RGS7: variants seen among roughly 807,000 people sequenced by gnomAD.
RGS7 encodes regulator of G-protein signaling 7.
RGS7 carries 27 observed loss-of-function variants against 81.1 expected under a neutral mutation model. The observed-to-expected ratio is 0.33, with a 90% CI of 0.25 to 0.46. The LOEUF (loss-of-function observed/expected upper bound fraction) is 0.46, where lower values mean the gene tolerates loss of function less well. Among genes scored for constraint, RGS7 ranks in the 20% least tolerant of loss-of-function variants. The probability of loss-of-function intolerance (pLI) is 1.00; values close to 1 mark genes in which losing one functional copy is unlikely to be tolerated. For missense variants in RGS7, 396 were observed against 607.4 expected, an observed-to-expected ratio of 0.65 and a Z score of 3.66; for synonymous variants, 208 against 207.7, an observed-to-expected ratio of 1.00 and a Z score of -0.01.
intron 3 of RGS7, among the ~76,000 whole-genome samples, chr1:241,060,350 A>T (rs2061680644): frequency 1.3e-5 from 2 of 152,354 alleles, no homozygotes; most frequent in South Asian, 2.1e-4. Flanking sequence ...TAGATTGGGC[A>T]TATCACTGTT....
chr1:241,336,280 T>C (rs2082242592), intron 2 of RGS7, among the ~76,000 whole-genome samples: 1 of 152,156 alleles, frequency 6.6e-6, no homozygotes, highest in Non-Finnish European at 1.5e-5. Flanking sequence ...CATTTAGCAC[T>C]AAGTCTTCCT....
chr1:241,274,122 T>C (rs1011751878), intron 2 of RGS7, among the ~76,000 whole-genome samples: 31 of 152,350 alleles, frequency 2.0e-4, no homozygotes, highest in Middle Eastern at 3.4e-3. Context: ...GATGTTACAA[T>C]GCTGTAGAGT....
At chr1:241,021,643 C>T (rs918630800) in intron 3 of RGS7, among the ~76,000 whole-genome samples, 3 of 152,044 alleles carry the variant, frequency 2.0e-5, no homozygotes, top group Admixed American at 6.6e-5. Context: ...CTCTGGGGGG[C>T]GGTCAAGGGG....
chr1:241,311,199 T>G (rs1041880694), intron 2 of RGS7, among the ~76,000 whole-genome samples: 1 of 152,214 alleles, frequency 6.6e-6, no homozygotes, highest in African/African-American at 2.4e-5. Flanking sequence ...CAATTTGTTT[T>G]TCTATAACAA....
intron 2 of RGS7, among the ~76,000 whole-genome samples, chr1:241,219,861 T>G (rs1478424581): frequency 6.6e-6 from 1 of 152,198 alleles, no homozygotes; most frequent in African/African-American, 2.4e-5. Context: ...TCATTCTTGG[T>G]TTAGCTGAAT....
chr1:241,294,972 T>C (rs2079314767), intron 2 of RGS7, among the ~76,000 whole-genome samples: 2 of 152,188 alleles, frequency 1.3e-5, no homozygotes, highest in South Asian at 4.1e-4. Flanking sequence ...GAACATACTC[T>C]GGTTTTCAGC....
intron 3 of RGS7, among the ~76,000 whole-genome samples, chr1:241,048,258 C>T (rs2061053130): frequency 6.6e-6 from 1 of 152,100 alleles, no homozygotes; most frequent in South Asian, 2.1e-4. Flanking sequence ...GGCTCAGCCT[C>T]CCCCTGGTGA....
chr1:241,049,216 C>T (rs1252043015), intron 3 of RGS7, among the ~76,000 whole-genome samples: 1 of 152,114 alleles, frequency 6.6e-6, no homozygotes, highest in Non-Finnish European at 1.5e-5. Context: ...GATTGAAAAC[C>T]TGGCAACATC....
chr1:240,863,345 T>C (rs113741258), intron 9 of RGS7, among the ~76,000 whole-genome samples: 1 of 152,084 alleles, frequency 6.6e-6, no homozygotes, highest in Non-Finnish European at 1.5e-5. Flanking sequence ...CGTGGTGGCA[T>C]GCGCCTGTAA....
At chr1:240,914,687 C>G (rs1228744112) in intron 6 of RGS7, among the ~76,000 whole-genome samples, 3 of 152,178 alleles carry the variant, frequency 2.0e-5, no homozygotes, top group African/African-American at 7.2e-5. Context: ...TTGCAAACAT[C>G]TGCTCTCTGG....
chr1:240,817,286 C>T lies in RGS7; in HGVS notation c.685-871G>A, dbSNP rs1690978587. ...AGAATTTAATGTGTGTTATTGAGCA[C>T]TTTTTCTTTGGATATGAGCAAGAAG... On this transcript the variant is annotated intron_variant, in intron 10 of 18. Transcript: ENST00000440928. 1.3e-5 allele frequency among the ~76,000 whole-genome samples: 2 copies of T among 152,242 alleles called. 1 individual carries two copies. The highest frequency in any genetic ancestry group is 4.8e-5 in the African/African-American group (2 of 41,554).
chr1:240,811,787 C>A (rs1218416723), intron 14 of RGS7, 131 bp downstream of exon 14: 1 of 862,818 alleles, frequency 1.2e-6, no homozygotes. Context: ...CATTAGGTGG[C>A]AGAAATTCAA....
intron 2 of RGS7, among the ~76,000 whole-genome samples, chr1:241,181,057 G>A (rs1354805238): frequency 6.6e-6 from 1 of 152,228 alleles, no homozygotes; most frequent in East Asian, 1.9e-4. Context: ...TTAGAGGAGA[G>A]GGATGGATGA....
rs34557484 is a variant in RGS7, at chr1:241,196,991, T to TAA, written c.79-98231_79-98230dup. Among the ~76,000 whole-genome samples the TAA allele has an allele frequency of 5.7e-3, 762 of 132,598 alleles. 2 individuals carry two copies. Among genetic ancestry groups the TAA allele is most frequent in the South Asian group, 8.4e-3 (36 of 4,268 alleles). The allele number at this position is 132,598 out of a possible 152,430, so 87.0% of individuals were successfully genotyped here. ...AATACTGAATCCATCCAAAAGAATG[T>TAA]AAAAAAAAAAAAAAAAGAACAAATA... On this transcript the variant is annotated intron_variant, in intron 2 of 18. Transcript: ENST00000440928.
intron 10 of RGS7, among the ~76,000 whole-genome samples, chr1:240,819,901 C>T (rs551783392): frequency 6.6e-6 from 1 of 152,308 alleles, no homozygotes; most frequent in South Asian, 2.1e-4. Flanking sequence ...CAGGAAGTCT[C>T]CCTTTCACCA....
intron 3 of RGS7, among the ~76,000 whole-genome samples, chr1:241,080,445 A>G (rs866302283): frequency 5.3e-5 from 8 of 152,082 alleles, no homozygotes; most frequent in Admixed American, 4.6e-4. Context: ...CAAATCTAAC[A>G]TAAGTAATTT....
At chr1:241,331,848 G>T (rs2081995092) in intron 2 of RGS7, among the ~76,000 whole-genome samples, 1 of 152,180 alleles carries the variant, frequency 6.6e-6, no homozygotes, top group Non-Finnish European at 1.5e-5. Flanking sequence ...AAGATGTATG[G>T]TAATGCAGAG....
chr1:240,873,124 G>C (rs1664784840), intron 6 of RGS7, among the ~76,000 whole-genome samples: 1 of 151,998 alleles, frequency 6.6e-6, no homozygotes, highest in Middle Eastern at 3.2e-3. Flanking sequence ...CTTCAGCTAA[G>C]GCAAGGTGCT....
chr1:240,843,262 T>G lies in RGS7; in HGVS notation c.610-16090A>C, dbSNP rs10926367. Among the ~76,000 whole-genome samples, 10 of 152,100 alleles carry G rather than the reference T, an allele frequency of 6.6e-5. No homozygotes were observed. In the East Asian group the frequency reaches 1.9e-3, roughly 29 times the overall value. The stretch of plus-strand genomic sequence containing the variant: ...GAACATATGTAAGGACAAATATCTT[T>G]TTTTCTTTTTTCTTTTTTTTTGGGA... On this transcript the variant is annotated intron_variant, in intron 9 of 18. Transcript: ENST00000440928.
Sources: gnomAD v4.1 joint callset for allele counts (sites outside exome capture counted in the v4.1 genomes callset) on GRCh38, gnomAD v4.1.1 for gene constraint, MANE v1.5 for transcripts, NCBI Gene and HGNC (gene_info 2026-07-23, HGNC 2026-07-21) for gene names.